TG: variants seen among roughly 807,000 people sequenced by gnomAD.
TG encodes thyroglobulin, also known as thyroid hormones.
Under a neutral mutation model 324.7 loss-of-function variants are expected in TG, and 270 were observed. The observed-to-expected ratio is 0.83, with a 90% CI of 0.75 to 0.92. The LOEUF (loss-of-function observed/expected upper bound fraction) is 0.92. TG is among the 40% of genes least tolerant of loss of function. The probability of loss-of-function intolerance (pLI) is 0.00; values close to 1 mark genes in which losing one functional copy is unlikely to be tolerated. For missense variants in TG, 3,591 were observed against 3,456.4 expected (o/e 1.04, Z -0.98); for synonymous variants, 1,401 against 1,327.0 (o/e 1.06, Z -1.21).
chr8:133,012,168 G>C (rs1834574046), intron 36 of TG, 133 bp downstream of exon 36: 3 of 1,342,164 alleles, frequency 2.2e-6, no homozygotes, highest in Non-Finnish European at 2.1e-6. Flanking sequence ...GATTAACCTG[G>C]GGAAGAAGAC....
intron 5 of TG, among the ~76,000 whole-genome samples, chr8:132,878,893 C>T (rs180216): frequency 6.6e-6 from 1 of 152,152 alleles, no homozygotes; most frequent in Non-Finnish European, 1.5e-5. Flanking sequence ...TGGGGACATT[C>T]TTTGGTCCAG....
intron 22 of TG, among the ~76,000 whole-genome samples, chr8:132,925,551 G>T (rs984300184): frequency 2.1e-4 from 32 of 151,524 alleles, no homozygotes; most frequent in African/African-American, 7.8e-4. Context: ...GTGTGTGTGT[G>T]TTCTTGAATA....
intron 41 of TG, among the ~76,000 whole-genome samples, chr8:133,091,585 T>C (rs1250756823): frequency 6.6e-6 from 1 of 152,118 alleles, no homozygotes; most frequent in Non-Finnish European, 1.5e-5. Context: ...TTTGTGTGTA[T>C]GTGTCTGAGT....
At chr8:132,875,023 C>A (rs1257879680) in intron 5 of TG, among the ~76,000 whole-genome samples, 1 of 152,180 alleles carries the variant, frequency 6.6e-6, no homozygotes, top group African/African-American at 2.4e-5. Flanking sequence ...CTTAGCACAG[C>A]GACCTGGCCA....
intron 35 of TG, chr8:133,001,655 T>C (rs1833511808): frequency 1.4e-6 from 1 of 711,688 alleles, no homozygotes; most frequent in Non-Finnish European, 1.7e-6. Flanking sequence ...CAATGCAATG[T>C]TGTCTCCGTC....
At position 133,011,870 on chromosome 8, in the gene TG, G is replaced by C. The variant is rs1457511678; in HGVS notation, c.6263-31G>C. ...CTTTGTTACTCACCAGGTGACAACT[G>C]CATGTGACTGTCCGTTGCCTTCTCT... On this transcript the variant is annotated intron_variant, in intron 35 of 47. Transcript: ENST00000220616. The C allele has an allele frequency of 4.3e-6, 7 of 1,614,038 alleles. No homozygotes were observed. The South Asian group carries it at 6.6e-5, about 15-fold the overall frequency.
rs761088925 is a variant in TG, at chr8:133,049,856, G to A, written c.7239+19833G>A. On this transcript the variant is annotated intron_variant, in intron 41 of 47. Coordinates refer to ENST00000220616, the MANE Select transcript of TG (RefSeq NM_003235.5). The stretch of plus-strand genomic sequence containing the variant: ...CTTTGTTCCACCTTATGAGTCACCA[G>A]CATACGCATCATGCTTAATTGCTGC... 4 of 1,193,436 alleles carry A rather than the reference G, an allele frequency of 3.4e-6. No homozygotes were observed. The African/African-American group carries it at 6.0e-5, about 18-fold the overall frequency. 73.9% of individuals were successfully genotyped at this position (1,193,436 alleles called of 1,614,324 possible).
chr8:132,962,875 T>C lies in TG; in HGVS notation c.5468-119T>C, dbSNP rs551688662. The C allele has an allele frequency of 3.2e-4, 282 of 880,246 alleles. 3 individuals carry two copies. The South Asian group carries it at 3.4e-3, about 11-fold the overall frequency. The allele number at this position is 880,246 out of a possible 1,614,324, so 54.5% of individuals were successfully genotyped here. On this transcript the variant is annotated intron_variant, in intron 28 of 47. Transcript: ENST00000220616. Reference sequence around the variant, plus strand: ...ATGTCAGGGCATCTGTTGCAGATCTTCTCTAAGTCACCTGGCTTTAGGGCC... The same window carrying C: ...ATGTCAGGGCATCTGTTGCAGATCTCCTCTAAGTCACCTGGCTTTAGGGCC...
chr8:132,905,497 G>A (rs1818546138), intron 16 of TG, among the ~76,000 whole-genome samples: 2 of 152,306 alleles, frequency 1.3e-5, no homozygotes, highest in Middle Eastern at 3.4e-3. Flanking sequence ...CAGATGTTAA[G>A]TCATATACTG....
At position 132,869,955 on chromosome 8, in the gene TG, A is replaced by G. The variant is rs954282980; in HGVS notation, c.274+129A>G. 7 of 736,344 alleles carry G rather than the reference A, an allele frequency of 9.5e-6. No homozygotes were observed. In the African/African-American group the frequency reaches 1.2e-4, roughly 13 times the overall value. 45.6% of individuals were successfully genotyped at this position (736,344 alleles called of 1,614,324 possible). Reference sequence around the variant, plus strand: ...TGGGCTGCTGGCTTCTCCTCTGTGAATAAGAATCATCCCTGCAAGCCATGG... The same window carrying G: ...TGGGCTGCTGGCTTCTCCTCTGTGAGTAAGAATCATCCCTGCAAGCCATGG... On this transcript the variant is annotated intron_variant, in intron 3 of 47. Transcript: ENST00000220616.
At chr8:133,129,057 C>T (rs1851756453) in intron 45 of TG, among the ~76,000 whole-genome samples, 1 of 152,194 alleles carries the variant, frequency 6.6e-6, no homozygotes, top group South Asian at 2.1e-4. Flanking sequence ...CCTGGAACTC[C>T]CAGCCAGTGC....
intron 8 of TG, 75 bp downstream of exon 8, chr8:132,883,074 T>C (rs1814896530): frequency 5.3e-6 from 8 of 1,518,252 alleles, no homozygotes; most frequent in Non-Finnish European, 7.1e-6. Context: ...CCAACCTCTC[T>C]GGACCCCATT....
intron 11 of TG, among the ~76,000 whole-genome samples, chr8:132,895,665 CAG>C (rs1481459390): frequency 1.3e-5 from 2 of 152,352 alleles, no homozygotes; most frequent in East Asian, 3.9e-4. Flanking sequence ...CTCTGTTCCT[CAG>C]AGACTGGGAG....
At chr8:132,923,612 T>A in intron 22 of TG, 104 bp downstream of exon 22, 1 of 1,384,610 alleles carries the variant, frequency 7.2e-7, no homozygotes, top group Non-Finnish European at 9.7e-7. Flanking sequence ...TGTCTCCAAC[T>A]TTTTGTTTTG....
At chr8:133,079,858 G>T (rs780657957) in intron 41 of TG, among the ~76,000 whole-genome samples, 3 of 151,984 alleles carry the variant, frequency 2.0e-5, no homozygotes, top group Non-Finnish European at 4.4e-5. Context: ...TAAAACTGTT[G>T]ATGGGATTCC....
intron 41 of TG, among the ~76,000 whole-genome samples, chr8:133,072,188 G>A (rs778659344): frequency 6.6e-6 from 1 of 152,218 alleles, no homozygotes; most frequent in Non-Finnish European, 1.5e-5. Context: ...GCTAAGGAGC[G>A]AAGTGTGACT....
Position 133,113,468 on chromosome 8 carries a change from A to T in TG, c.7619A>T (p.Tyr2540Phe), listed in dbSNP as rs745866132. The change falls in exon 44 of 48, where the codon TAC (tyrosine) becomes TTC (phenylalanine). Residue 2540 changes from tyrosine (Y) to phenylalanine (F), a missense_variant. Physicochemically the swap from Tyr to Phe is conservative, Grantham distance 22. Coordinates refer to ENST00000220616, the MANE Select transcript of TG (RefSeq NM_003235.5). The part of the protein sequence containing the change: ...RGRTSSKTAF[Y>F]QALQNSLGGE... Reference sequence around the variant, plus strand: ...CGGACCAGTAGCAAAACAGCCTTTTACCAGGCACTGCAGAATTCTCTGGGT... The same window carrying T: ...CGGACCAGTAGCAAAACAGCCTTTTTCCAGGCACTGCAGAATTCTCTGGGT... The T allele has an allele frequency of 6.2e-7, 1 of 1,613,878 alleles. No individual in the cohort carries two copies. The highest frequency in any genetic ancestry group is 8.5e-7 in the Non-Finnish European group (1 of 1,179,980).
chr8:132,896,672 C>G (rs1186523759), intron 11 of TG, among the ~76,000 whole-genome samples: 1 of 152,204 alleles, frequency 6.6e-6, no homozygotes, highest in Non-Finnish European at 1.5e-5. Context: ...ACCCGCTGCC[C>G]ACCCTTGCTT....
intron 43 of TG, among the ~76,000 whole-genome samples, chr8:133,108,615 A>G (rs1850024588): frequency 6.6e-6 from 1 of 152,248 alleles, no homozygotes; most frequent in Non-Finnish European, 1.5e-5. Flanking sequence ...GAAGTCGCAC[A>G]GTTACCCTCC....
Sources: gnomAD v4.1 joint callset for allele counts (sites outside exome capture counted in the v4.1 genomes callset) on GRCh38, gnomAD v4.1.1 for gene constraint, MANE v1.5 for transcripts, NCBI Gene and HGNC (gene_info 2026-07-23, HGNC 2026-07-21) for gene names.